CTNNA2: variants seen among roughly 807,000 people sequenced by gnomAD.
CTNNA2 encodes the protein catenin alpha 2, also known as catenin alpha-2.
A neutral mutation model predicts 101.0 loss-of-function variants in CTNNA2; 42 were observed. The observed-to-expected ratio is 0.42, with a 90% CI of 0.32 to 0.54. The LOEUF (loss-of-function observed/expected upper bound fraction) is 0.54, where lower values mean the gene tolerates loss of function less well. Ranked by LOEUF, CTNNA2 falls within the 20% of genes least tolerant of loss-of-function variation. CTNNA2 has a pLI of 0.14. For synonymous variants in CTNNA2, 450 were observed against 456.4 expected (o/e 0.99, Z 0.18); for missense variants, 871 against 1,223.1 (o/e 0.71, Z 4.29).
At chr2:79,205,693 A>C (rs1400891292) in intron 2 of CTNNA2, among the ~76,000 whole-genome samples, 1 of 152,186 alleles carries the variant, frequency 6.6e-6, no homozygotes, top group Non-Finnish European at 1.5e-5. Context: ...CCCAACCTTC[A>C]TTGATAGTGA....
At position 80,334,034 on chromosome 2, in the gene CTNNA2, G is replaced by A. The variant is rs556727241; in HGVS notation, c.1057-59177G>A. On this transcript the variant is annotated intron_variant, in intron 7 of 18. Transcript: ENST00000402739. Reference sequence around the variant, plus strand: ...TCCAGGGTTATGCTTAGCCCATGTGGCCAACTGTGGCAGCCTTGCCTTTCC... The same window carrying A: ...TCCAGGGTTATGCTTAGCCCATGTGACCAACTGTGGCAGCCTTGCCTTTCC... 7.2e-5 allele frequency among the ~76,000 whole-genome samples: 11 copies of A among 152,158 alleles called. 1 individual carries two copies. Among genetic ancestry groups the A allele is most frequent in the Admixed American group, 2.6e-4 (4 of 15,276 alleles).
intron 2 of CTNNA2, among the ~76,000 whole-genome samples, chr2:79,205,321 C>T (rs149606010): frequency 3.5e-4 from 53 of 152,306 alleles, no homozygotes; most frequent in Admixed American, 7.2e-4. Context: ...AAATGATTCA[C>T]ACCTGCAGTA....
intron 7 of CTNNA2, among the ~76,000 whole-genome samples, chr2:80,205,489 C>T (rs1296034188): frequency 6.6e-6 from 1 of 152,180 alleles, no homozygotes; most frequent in East Asian, 1.9e-4. Context: ...AAAGGAAATT[C>T]ATTTCAGAAG....
At chr2:79,834,017 G>C (rs1015593813) in intron 3 of CTNNA2, among the ~76,000 whole-genome samples, 8 of 152,020 alleles carry the variant, frequency 5.3e-5, no homozygotes, top group African/African-American at 1.4e-4. Flanking sequence ...TTGGAATTTT[G>C]AGATGTTTCC....
intron 1 of CTNNA2, among the ~76,000 whole-genome samples, chr2:79,629,332 A>C (rs140017295): frequency 6.6e-6 from 1 of 152,362 alleles, no homozygotes; most frequent in Non-Finnish European, 1.5e-5. Flanking sequence ...AATAAAGAGT[A>C]TCTGTTTCCC....
chr2:80,269,261 C>T (rs896870395), intron 7 of CTNNA2, among the ~76,000 whole-genome samples: 2 of 152,126 alleles, frequency 1.3e-5, no homozygotes, highest in Non-Finnish European at 2.9e-5. Flanking sequence ...TTGCTATTCT[C>T]GTGATAGTAA....
chr2:79,642,895 T>A (rs1212421126), intron 1 of CTNNA2, among the ~76,000 whole-genome samples: 17 of 149,538 alleles, frequency 1.1e-4, no homozygotes, highest in Non-Finnish European at 2.1e-4. Flanking sequence ...AGAGGTACTT[T>A]AAAAAAAAAA....
At chr2:79,503,596 T>C (rs557427550) in intron 4 of CTNNA2, among the ~76,000 whole-genome samples, 1 of 152,254 alleles carries the variant, frequency 6.6e-6, no homozygotes, top group South Asian at 2.1e-4. Context: ...TGAGAGACAA[T>C]AATTTACAAA....
chr2:79,492,734 C>T (rs943767858), intron 4 of CTNNA2, among the ~76,000 whole-genome samples: 19 of 152,048 alleles, frequency 1.2e-4, no homozygotes, highest in Non-Finnish European at 4.4e-5. Flanking sequence ...CCTTTGAGAC[C>T]ATTATTGCCT....
At chr2:80,072,847 A>AGGAAAACGAGG (rs1174746475) in intron 7 of CTNNA2, among the ~76,000 whole-genome samples, 4 of 152,220 alleles carry the variant, frequency 2.6e-5, no homozygotes, top group African/African-American at 7.2e-5. Context: ...ACTTCCAAGC[A>AGGAAAACGAGG]GGAAAACGAG....
chr2:79,656,972 C>G lies in CTNNA2; in HGVS notation c.102+5314C>G, dbSNP rs531180186. 6.6e-5 allele frequency among the ~76,000 whole-genome samples: 10 copies of G among 151,576 alleles called. No individual in the cohort carries two copies. In the South Asian group the frequency reaches 2.1e-3, roughly 31 times the overall value. On this transcript the variant is annotated intron_variant, in intron 2 of 18. Transcript: ENST00000402739. The stretch of plus-strand genomic sequence containing the variant: ...ACAAAATAGGCACATCCAGTAAAAG[C>G]TATCATCAGTATAGAATTTTAGCTT...
At chr2:80,206,681 T>C (rs1371505458) in intron 7 of CTNNA2, among the ~76,000 whole-genome samples, 4 of 152,144 alleles carry the variant, frequency 2.6e-5, no homozygotes, top group Non-Finnish European at 4.4e-5. Flanking sequence ...TGTCCCTCCC[T>C]CCCCTACATC....
chr2:80,326,379 G>C (rs1363613792), intron 7 of CTNNA2, among the ~76,000 whole-genome samples: 1 of 152,158 alleles, frequency 6.6e-6, no homozygotes, highest in Non-Finnish European at 1.5e-5. Context: ...AGTGTCAAAT[G>C]TCATTCTTTT....
At chr2:80,157,147 G>A (rs1704036756) in intron 7 of CTNNA2, among the ~76,000 whole-genome samples, 1 of 151,972 alleles carries the variant, frequency 6.6e-6, no homozygotes, top group Admixed American at 6.6e-5. Flanking sequence ...ATCTTTTCAG[G>A]TTATCCTCTT....
At chr2:79,833,272 T>A (rs916721493) in intron 3 of CTNNA2, among the ~76,000 whole-genome samples, 1 of 152,210 alleles carries the variant, frequency 6.6e-6, no homozygotes, top group African/African-American at 2.4e-5. Context: ...GGCAAAATAG[T>A]GAAGCAGTAA....
At chr2:79,400,997 T>C (rs975344860) in intron 4 of CTNNA2, among the ~76,000 whole-genome samples, 5 of 151,962 alleles carry the variant, frequency 3.3e-5, no homozygotes, top group Admixed American at 6.6e-5. Context: ...GACTTCTGTG[T>C]CTAGCAAAAC....
At chr2:79,405,138 T>C (rs1678327727) in intron 4 of CTNNA2, among the ~76,000 whole-genome samples, 1 of 152,010 alleles carries the variant, frequency 6.6e-6, no homozygotes, top group Admixed American at 6.6e-5. Context: ...ACTTAATCAG[T>C]TGAGCCCTTT....
At chr2:80,420,192 A>G (rs912999541) in intron 9 of CTNNA2, among the ~76,000 whole-genome samples, 7 of 152,070 alleles carry the variant, frequency 4.6e-5, no homozygotes, top group African/African-American at 1.7e-4. Flanking sequence ...TAAATGCAAA[A>G]TTTTATGGGG....
At chr2:80,644,013 T>TTAGTAGAAAAGAGTTCA (rs1331342631) in intron 18 of CTNNA2, among the ~76,000 whole-genome samples, 1 of 152,174 alleles carries the variant, frequency 6.6e-6, no homozygotes, top group Non-Finnish European at 1.5e-5. Context: ...AGCCTGTTCA[T>TTAGTAGAAAAGAGTTCA]TAGTAGAAAA....
Sources: allele counts gnomAD v4.1 joint callset (sites outside exome capture counted in the v4.1 genomes callset), GRCh38; gene constraint gnomAD v4.1.1; transcripts MANE v1.5; gene names NCBI Gene and HGNC (gene_info 2026-07-23, HGNC 2026-07-21).